DNAJC25: variants seen among roughly 807,000 people sequenced by gnomAD.
DNAJC25 encodes the protein dnaJ homolog subfamily C member 25.
DNAJC25 carries 26 observed loss-of-function variants against 42.1 expected under a neutral mutation model. The ratio of observed to expected loss-of-function variants is 0.62; its 90% CI spans 0.45 to 0.86. DNAJC25 has a LOEUF of 0.86. Among genes scored for constraint, DNAJC25 ranks in the 40% least tolerant of loss-of-function variants. DNAJC25 has a pLI of 0.00. For missense variants in DNAJC25, 404 were observed against 459.4 expected (o/e 0.88, Z 1.10); for synonymous variants, 189 against 179.9 (o/e 1.05, Z -0.40).
intron 1 of DNAJC25, among the ~76,000 whole-genome samples, chr9:111,645,982 A>G (rs1830563107): frequency 6.6e-6 from 1 of 152,158 alleles, no homozygotes; most frequent in South Asian, 2.1e-4. Flanking sequence ...TATGCTGCCC[A>G]GGCTGATCTC....
intron 3 of DNAJC25, among the ~76,000 whole-genome samples, chr9:111,650,164 C>T (rs754955694): frequency 3.3e-5 from 5 of 151,996 alleles, no homozygotes; most frequent in African/African-American, 7.2e-5. Context: ...ATTATGAAAA[C>T]GTTTTAAGAA....
At chr9:111,634,888 G>C (rs1830341577) in intron 1 of DNAJC25, among the ~76,000 whole-genome samples, 1 of 152,032 alleles carries the variant, frequency 6.6e-6, no homozygotes, top group South Asian at 2.1e-4. Context: ...AAGAAGTGTG[G>C]GTAATAATGG....
At chr9:111,641,554 G>A (rs1830466575) in intron 1 of DNAJC25, among the ~76,000 whole-genome samples, 1 of 114,210 alleles carries the variant, frequency 8.8e-6, no homozygotes, top group African/African-American at 3.7e-5. Context: ...CGCCCGGCCA[G>A]CCGCCCCATC....
At chr9:111,637,973 G>A (rs758385363) in intron 1 of DNAJC25, among the ~76,000 whole-genome samples, 14 of 152,040 alleles carry the variant, frequency 9.2e-5, no homozygotes, top group Non-Finnish European at 5.9e-5. Flanking sequence ...AGCTCTTCCT[G>A]ATGAAACTCA....
chr9:111,646,873 A>G (rs1830574378), intron 1 of DNAJC25, among the ~76,000 whole-genome samples: 1 of 152,242 alleles, frequency 6.6e-6, no homozygotes, highest in South Asian at 2.1e-4. Context: ...AGGACTAACA[A>G]TACTCAAGAA....
chr9:111,633,759 G>A (rs1157536811), intron 1 of DNAJC25, among the ~76,000 whole-genome samples: 1 of 152,180 alleles, frequency 6.6e-6, no homozygotes, highest in Admixed American at 6.5e-5. Flanking sequence ...AGGAGAGACT[G>A]ATCAGTGCCC....
At chr9:111,635,265 A>C (rs150331354) in intron 1 of DNAJC25, among the ~76,000 whole-genome samples, 1 of 152,228 alleles carries the variant, frequency 6.6e-6, no homozygotes, top group East Asian at 1.9e-4. Flanking sequence ...GCGTATATCC[A>C]TAGCACCTAG....
At chr9:111,648,391 A>G (rs1459956598) in intron 2 of DNAJC25, among the ~76,000 whole-genome samples, 1 of 151,564 alleles carries the variant, frequency 6.6e-6, no homozygotes, top group Non-Finnish European at 1.5e-5. Flanking sequence ...CCTCCTGCAT[A>G]GCTGGGACTA....
In DNAJC25 at chr9:111,649,797, A is replaced by G; in HGVS notation, c.834A>G (p.Gly278=). Residue 278 remains glycine (G), a synonymous_variant, in exon 3 of 4, where the codon GGA becomes GGG. Coordinates refer to ENST00000313525, the MANE Select transcript of DNAJC25 (RefSeq NM_001015882.3). The part of the protein sequence containing the change: ...YNFNIKGKEY[G]EEERLYIIRK... Reference sequence around the variant, plus strand: ...TTAACATCAAAGGCAAAGAATATGGAGAGGAAGAGAGATTATACATTATAC... The same window carrying G: ...TTAACATCAAAGGCAAAGAATATGGGGAGGAAGAGAGATTATACATTATAC... The G allele has an allele frequency of 6.2e-7, 1 of 1,614,038 alleles. No individual in the cohort carries two copies. The highest frequency in any genetic ancestry group is 8.5e-7 in the Non-Finnish European group (1 of 1,179,990).
intron 1 of DNAJC25, among the ~76,000 whole-genome samples, chr9:111,643,513 A>C (rs966189693): frequency 6.6e-6 from 1 of 152,248 alleles, no homozygotes; most frequent in Non-Finnish European, 1.5e-5. Flanking sequence ...ATGAGGTTCA[A>C]ATTAGAGAGA....
chr9:111,635,030 A>G (rs1830343140), intron 1 of DNAJC25, among the ~76,000 whole-genome samples: 1 of 152,210 alleles, frequency 6.6e-6, no homozygotes, highest in South Asian at 2.1e-4. Context: ...AACTAAGACC[A>G]TGCAGTTGTA....
Position 111,631,579 on chromosome 9 carries a change from C to T in DNAJC25, c.172C>T (p.Arg58Cys), listed in dbSNP as rs775630762. Residue 58 changes from arginine (R) to cysteine (C), a missense_variant, in exon 1 of 4, where the codon CGC (arginine) becomes TGC (cysteine). Transcript: ENST00000313525. ...CTGCTACGAGGTGCTGGGCGTGAGC[C>T]GCTCGGCGGGCAAGGCGGAGATCGC... ...RDCYEVLGVS[R>C]SAGKAEIARA... The T allele has an allele frequency of 1.4e-6, 2 of 1,455,418 alleles. No individual in the cohort carries two copies. The highest frequency in any genetic ancestry group is 1.5e-5 in the African/African-American group (1 of 67,486). The allele number at this position is 1,455,418 out of a possible 1,614,324, so 90.2% of individuals were successfully genotyped here.
intron 1 of DNAJC25, among the ~76,000 whole-genome samples, chr9:111,639,200 C>T (rs1483230580): frequency 1.3e-5 from 2 of 152,266 alleles, no homozygotes; most frequent in Non-Finnish European, 2.9e-5. Context: ...CTTGAGGCCA[C>T]GGACCTGTCT....
intron 1 of DNAJC25, among the ~76,000 whole-genome samples, chr9:111,632,582 A>G (rs2131253250): frequency 6.6e-6 from 1 of 152,334 alleles, no homozygotes; most frequent in East Asian, 1.9e-4. Flanking sequence ...CAAACCATCT[A>G]GGACATCACG....
At chr9:111,634,250 G>A (rs1362979476) in intron 1 of DNAJC25, among the ~76,000 whole-genome samples, 2 of 152,158 alleles carry the variant, frequency 1.3e-5, no homozygotes, top group African/African-American at 2.4e-5. Flanking sequence ...GCTCTCTCTT[G>A]GAATAAGGAT....
At chr9:111,633,398 T>C (rs1830317017) in intron 1 of DNAJC25, among the ~76,000 whole-genome samples, 1 of 152,182 alleles carries the variant, frequency 6.6e-6, no homozygotes, top group African/African-American at 2.4e-5. Flanking sequence ...GATATTTGGA[T>C]TGTATATCAG....
intron 1 of DNAJC25, among the ~76,000 whole-genome samples, chr9:111,645,155 A>G (rs1186750727): frequency 6.6e-6 from 1 of 152,224 alleles, no homozygotes; most frequent in East Asian, 1.9e-4. Flanking sequence ...TAAGCTAGCT[A>G]CTAGTTTACA....
At chr9:111,641,020 C>T (rs1463452062) in intron 1 of DNAJC25, among the ~76,000 whole-genome samples, 5 of 102,152 alleles carry the variant, frequency 4.9e-5, no homozygotes, top group African/African-American at 1.4e-4. Flanking sequence ...GCCCCGCGCC[C>T]GGCCAGCCGC....
In DNAJC25 at chr9:111,647,168, A is replaced by T; in HGVS notation, c.398A>T (p.His133Leu). ...GATCATCCAGAAGAGTACTACAGCCATTACTACCACTACTATAGCAGGCGC... is the reference window on the plus strand; with the variant it reads ...GATCATCCAGAAGAGTACTACAGCCTTTACTACCACTACTATAGCAGGCGC... ...MLDHPEEYYS[H>L]YYHYYSRRLA... is the part of the protein sequence containing the mutation. Residue 133 changes from histidine to leucine, a missense_variant, in exon 2 of 4, where the codon CAT (histidine) becomes CTT (leucine). Coordinates refer to ENST00000313525, the MANE Select transcript of DNAJC25 (RefSeq NM_001015882.3). 1.2e-6 allele frequency: 2 copies of T among 1,614,222 alleles called. No homozygotes were observed. The highest frequency in any genetic ancestry group is 8.5e-7 in the Non-Finnish European group (1 of 1,180,032).
Sources: gnomAD v4.1 joint callset for allele counts (sites outside exome capture counted in the v4.1 genomes callset) on GRCh38, gnomAD v4.1.1 for gene constraint, MANE v1.5 for transcripts, NCBI Gene and HGNC (gene_info 2026-07-23, HGNC 2026-07-21) for gene names.